EIF3D: variants seen among roughly 807,000 people sequenced by gnomAD.
The protein encoded by EIF3D is eIF3 p66.
In EIF3D, 10 loss-of-function variants were observed where a neutral mutation model predicts 75.4. That is an observed-to-expected ratio of 0.13 (90% CI 0.08 to 0.22). The LOEUF is 0.22. EIF3D is among the 10% of genes least tolerant of loss of function. EIF3D has a pLI of 1.00. For synonymous variants in EIF3D, 246 were observed against 248.3 expected, an observed-to-expected ratio of 0.99 and a Z score of 0.09; for missense variants, 394 against 708.0, an observed-to-expected ratio of 0.56 and a Z score of 5.03.
chr22:36,528,506 G>A (rs980080841), intron 1 of EIF3D, among the ~76,000 whole-genome samples: 3 of 150,894 alleles, frequency 2.0e-5, no homozygotes, highest in African/African-American at 7.4e-5. Context: ...TAGTCACAGG[G>A]GCAGGATAGG....
chr22:36,525,392 C>T (rs532335780), intron 3 of EIF3D, among the ~76,000 whole-genome samples: 6 of 151,938 alleles, frequency 3.9e-5, no homozygotes, highest in South Asian at 2.1e-4. Flanking sequence ...TACAGGTGCA[C>T]GCCACCACGC....
intron 2 of EIF3D, 23 bp from the exon 3 acceptor site, chr22:36,525,732 G>C: frequency 1.2e-6 from 2 of 1,608,908 alleles, no homozygotes; most frequent in South Asian, 2.2e-5. Flanking sequence ...AGAAAAGACA[G>C]AGAATGCACA....
Position 36,516,621 on chromosome 22 carries a change from G to T in EIF3D, c.1077-14C>A, listed in dbSNP as rs774718957. On this transcript the variant is annotated splice_polypyrimidine_tract_variant and intron_variant, in intron 11 of 14. Transcript: ENST00000216190. Reference sequence around the variant, plus strand: ...CACCTGCGGTAACTGCAGCAAAAAAGAAACTCATGTGGTCACTGGGGATTC... The same window carrying T: ...CACCTGCGGTAACTGCAGCAAAAAATAAACTCATGTGGTCACTGGGGATTC... 1.3e-5 allele frequency: 21 copies of T among 1,613,966 alleles called. No individual in the cohort carries two copies. In the South Asian group the frequency reaches 2.2e-4, roughly 17 times the overall value.
At chr22:36,522,544 A>T (rs928428155) in intron 6 of EIF3D, among the ~76,000 whole-genome samples, 2 of 152,152 alleles carry the variant, frequency 1.3e-5, no homozygotes, top group African/African-American at 4.8e-5. Context: ...CACGCTAAAT[A>T]AAAGCTGCCA....
chr22:36,522,483 C>A (rs759100647), intron 6 of EIF3D, among the ~76,000 whole-genome samples: 5 of 152,208 alleles, frequency 3.3e-5, no homozygotes, highest in Non-Finnish European at 7.3e-5. Context: ...CTTTCATATA[C>A]TGAAGGAAAA....
intron 9 of EIF3D, among the ~76,000 whole-genome samples, chr22:36,518,381 C>T (rs925068536): frequency 2.0e-5 from 3 of 151,494 alleles, no homozygotes; most frequent in African/African-American, 4.8e-5. Flanking sequence ...CCCAGCTATT[C>T]GGGAGGCTGA....
chr22:36,523,717 T>C (rs866688559), intron 5 of EIF3D, among the ~76,000 whole-genome samples, 178 bp downstream of exon 5: 5 of 152,348 alleles, frequency 3.3e-5, no homozygotes, highest in Middle Eastern at 3.4e-3. Context: ...CTGCCCATGC[T>C]ATCTGCCATG....
At position 36,516,475 on chromosome 22, in the gene EIF3D, C is replaced by T. The variant is rs1934428663; in HGVS notation, c.1206+3G>A. On this transcript the variant is annotated splice_donor_region_variant and intron_variant, in intron 12 of 14. Transcript: ENST00000216190. ...CAGGAGGGTGATGGAGATGGCGGCT[C>T]ACCCTGGAATCCCACTCATTGAGTG... is the stretch of plus-strand genomic sequence containing the variant. The T allele has an allele frequency of 1.9e-6, 3 of 1,612,910 alleles. No homozygotes were observed. The highest frequency in any genetic ancestry group is 1.7e-6 in the Non-Finnish European group (2 of 1,179,190).
At chr22:36,520,385 T>C (rs931388624) in intron 7 of EIF3D, among the ~76,000 whole-genome samples, 191 bp downstream of exon 7, 8 of 152,230 alleles carry the variant, frequency 5.3e-5, no homozygotes, top group African/African-American at 1.9e-4. Context: ...CTTGAACTCC[T>C]GACCTCAGGT....
intron 14 of EIF3D, chr22:36,511,289 C>G (rs147025547): frequency 1.0e-6 from 1 of 997,598 alleles, no homozygotes; most frequent in Non-Finnish European, 1.4e-6. Context: ...ACAGTCCAGC[C>G]GCTTCTCTAA....
chr22:36,523,523 T>C (rs1301851467), intron 5 of EIF3D, among the ~76,000 whole-genome samples: 1 of 152,204 alleles, frequency 6.6e-6, no homozygotes, highest in Non-Finnish European at 1.5e-5. Context: ...TGTTCACTGA[T>C]AGTTCCAATC....
At chr22:36,517,589 G>C (rs144003305) in intron 9 of EIF3D, 158 bp from the exon 10 acceptor site, 2 of 689,582 alleles carry the variant, frequency 2.9e-6, no homozygotes, top group Middle Eastern at 4.2e-4. Context: ...ACACATAAGC[G>C]GGGGAGTGGG....
At chr22:36,525,161 C>A (rs545146606) in intron 3 of EIF3D, among the ~76,000 whole-genome samples, 42 of 152,074 alleles carry the variant, frequency 2.8e-4, no homozygotes, top group South Asian at 8.3e-4. Flanking sequence ...GTTCTCCAGG[C>A]AGCCACCTCC....
At chr22:36,511,894 CTTTTT>C (rs3076235) in intron 13 of EIF3D, 108 bp from the exon 14 acceptor site, 4 of 1,269,612 alleles carry the variant, frequency 3.2e-6, no homozygotes, top group Admixed American at 3.0e-5. Flanking sequence ...GCTATTTTTT[CTTTTT>C]TTTTTTTTTG....
chr22:36,512,695 C>T (rs931997880), intron 12 of EIF3D, 93 bp from the exon 13 acceptor site: 1 of 1,458,210 alleles, frequency 6.9e-7, no homozygotes, highest in East Asian at 2.4e-5. Flanking sequence ...CCCTAGTCTG[C>T]TTGCTTAGAA....
chr22:36,528,616 T>G (rs1380941382), intron 1 of EIF3D: 3 of 145,296 alleles, frequency 2.1e-5, no homozygotes, highest in Non-Finnish European at 4.4e-5. Context: ...AGATTTAAGA[T>G]CAGAGATCAA....
At position 36,523,401 on chromosome 22, in the gene EIF3D, G is replaced by A. The variant is rs183315278; in HGVS notation, c.393-120C>T. 6.2e-3 allele frequency: 4,739 copies of A among 759,438 alleles called. 31 individuals carry two copies. Among genetic ancestry groups the A allele is most frequent in the Non-Finnish European group, 6.5e-3 (2,939 of 454,200 alleles). The allele number at this position is 759,438 out of a possible 1,614,324, so 47.0% of individuals were successfully genotyped here. On this transcript the variant is annotated intron_variant, in intron 5 of 14. Coordinates refer to ENST00000216190, the MANE Select transcript of EIF3D (RefSeq NM_003753.4). ...ATCACCACTAACTCCTTTAAACTAC[G>A]AAAAATGGGCTTAGAGAAAGGAAGA... is the stretch of plus-strand genomic sequence containing the variant.
rs764918701 is a variant in EIF3D, at chr22:36,516,280, T to TAC, written c.1206+196_1206+197dup. On this transcript the variant is annotated intron_variant, in intron 12 of 14. Transcript: ENST00000216190. ...AAGTTCTTAACACTTAACATAGTTCTACACACACAGTCATGCTCTTTCTCA... is the reference window on the plus strand; with the variant it reads ...AAGTTCTTAACACTTAACATAGTTCTACACACACACAGTCATGCTCTTTCTCA... The TAC allele has an allele frequency of 5.3e-4, 324 of 613,460 alleles. 2 individuals carry two copies. In the Middle Eastern group the frequency reaches 6.3e-3, roughly 12 times the overall value. The allele number at this position is 613,460 out of a possible 1,614,324, so 38.0% of individuals were successfully genotyped here. A position where few individuals can be genotyped will look rare whatever the true frequency, so the allele number is the denominator to read the frequency against.
chr22:36,527,607 G>A (rs901662316), intron 1 of EIF3D, among the ~76,000 whole-genome samples: 2 of 152,330 alleles, frequency 1.3e-5, no homozygotes, highest in Non-Finnish European at 2.9e-5. Flanking sequence ...TTGAGAGGCC[G>A]AGGTGGGCGG....
Sources: gnomAD v4.1 joint callset for allele counts (sites outside exome capture counted in the v4.1 genomes callset) on GRCh38, gnomAD v4.1.1 for gene constraint, MANE v1.5 for transcripts, NCBI Gene and HGNC (gene_info 2026-07-23, HGNC 2026-07-21) for gene names.